The following HEMK2 variants were observed in gnomAD, a reference collection of about 807,000 sequenced individuals.
The protein encoded by HEMK2 is methyltransferase HEMK2.
At chr21:28,827,646 CACAG>C in the HEMK2 span, among the ~76,000 whole-genome samples, 1 of 152,214 alleles carries the variant, frequency 6.6e-6, no homozygotes, top group African/African-American at 2.4e-5. Context: ...AAGAAGTGAA[CACAG>C]ACAGTCCACT....
chr21:28,733,257 C>T, the HEMK2 span, among the ~76,000 whole-genome samples: 29 of 152,262 alleles, frequency 1.9e-4, no homozygotes, highest in African/African-American at 6.7e-4. Flanking sequence ...CCAGCCTGGG[C>T]AACAGAGCAA....
chr21:28,739,194 C>G, the HEMK2 span, among the ~76,000 whole-genome samples: 1 of 152,176 alleles, frequency 6.6e-6, no homozygotes, highest in South Asian at 2.1e-4. Flanking sequence ...GAAACATTTC[C>G]TCCCTCTTCA....
At chr21:28,581,617 T>A in the HEMK2 span, among the ~76,000 whole-genome samples, 2 of 152,154 alleles carry the variant, frequency 1.3e-5, no homozygotes, top group Admixed American at 6.5e-5. Context: ...TCTCCCTAAC[T>A]CAAGATGTGA....
the HEMK2 span, among the ~76,000 whole-genome samples, chr21:28,842,054 C>T: frequency 6.6e-6 from 1 of 152,144 alleles, no homozygotes; most frequent in Admixed American, 6.6e-5. Context: ...GTAACTATTA[C>T]AACTTTTGAG....
At chr21:28,607,888 C>A in the HEMK2 span, among the ~76,000 whole-genome samples, 1 of 152,140 alleles carries the variant, frequency 6.6e-6, no homozygotes, top group South Asian at 2.1e-4. Flanking sequence ...ATAGAAGATG[C>A]AAGAGGGGCT....
the HEMK2 span, among the ~76,000 whole-genome samples, chr21:28,731,316 T>C: frequency 3.5e-4 from 53 of 152,348 alleles, 1 homozygote; most frequent in Non-Finnish European, 6.5e-4. Flanking sequence ...GTAATGGAGC[T>C]AGAATCTATA....
At chr21:28,791,475 A>C in the HEMK2 span, among the ~76,000 whole-genome samples, 1 of 152,180 alleles carries the variant, frequency 6.6e-6, no homozygotes, top group Non-Finnish European at 1.5e-5. Context: ...AATTCAAAAA[A>C]AGGGTGAGAG....
the HEMK2 span, among the ~76,000 whole-genome samples, chr21:28,596,232 T>C: frequency 6.6e-6 from 1 of 152,086 alleles, no homozygotes; most frequent in Non-Finnish European, 1.5e-5. Flanking sequence ...TTAGCCAGGA[T>C]GGTCTCAATC....
the HEMK2 span, among the ~76,000 whole-genome samples, chr21:28,761,264 G>C: frequency 2.0e-5 from 3 of 151,666 alleles, no homozygotes; most frequent in East Asian, 5.8e-4. Context: ...ACAATTCAGC[G>C]AAAAAAATAT....
chr21:28,583,401 T>C, the HEMK2 span, among the ~76,000 whole-genome samples: 2 of 152,186 alleles, frequency 1.3e-5, no homozygotes, highest in East Asian at 1.9e-4. Context: ...TCAAGAATTC[T>C]GTCCTCTCTT....
the HEMK2 span, among the ~76,000 whole-genome samples, chr21:28,602,726 G>T: frequency 2.0e-5 from 3 of 152,212 alleles, no homozygotes. Context: ...GGAAATGATA[G>T]ATAACAGTTT....
the HEMK2 span, among the ~76,000 whole-genome samples, chr21:28,884,614 CT>C: frequency 3.9e-5 from 6 of 152,006 alleles, no homozygotes; most frequent in African/African-American, 1.4e-4. Context: ...CTGCATGTAA[CT>C]TTTTTTTGGT....
At chr21:28,709,035 C>A in the HEMK2 span, among the ~76,000 whole-genome samples, 2 of 152,150 alleles carry the variant, frequency 1.3e-5, no homozygotes, top group Admixed American at 1.3e-4. Context: ...AGGTTGCAGA[C>A]TGTCATCAAC....
the HEMK2 span, among the ~76,000 whole-genome samples, chr21:28,772,518 A>G: frequency 6.6e-6 from 1 of 152,160 alleles, no homozygotes; most frequent in African/African-American, 2.4e-5. Flanking sequence ...GGTTATTTAT[A>G]CCTTAGAATG....
At chr21:28,662,200 A>T in the HEMK2 span, among the ~76,000 whole-genome samples, 1 of 152,272 alleles carries the variant, frequency 6.6e-6, no homozygotes, top group Non-Finnish European at 1.5e-5. Context: ...GGAGAGGGTC[A>T]CGCTGATACG....
chr21:28,754,744 T>C, the HEMK2 span, among the ~76,000 whole-genome samples: 3 of 152,222 alleles, frequency 2.0e-5, no homozygotes, highest in Non-Finnish European at 2.9e-5. Context: ...CAAATAATTA[T>C]TGAGAGCCTA....
the HEMK2 span, among the ~76,000 whole-genome samples, chr21:28,732,658 G>A: frequency 2.1e-4 from 32 of 152,268 alleles, no homozygotes; most frequent in African/African-American, 7.7e-4. Flanking sequence ...CCACAGGTAG[G>A]GATGAAGGAA....
At chr21:28,677,109 C>A in the HEMK2 span, among the ~76,000 whole-genome samples, 1 of 152,164 alleles carries the variant, frequency 6.6e-6, no homozygotes, top group Non-Finnish European at 1.5e-5. Context: ...CATCGCCTCA[C>A]CCGGTAAGCG....
the HEMK2 span, among the ~76,000 whole-genome samples, chr21:28,705,007 C>G: frequency 6.6e-6 from 1 of 152,154 alleles, no homozygotes; most frequent in South Asian, 2.1e-4. Flanking sequence ...CTGCTGCTAT[C>G]GTTCGTACTT....
Sources: allele counts gnomAD v4.1 joint callset (sites outside exome capture counted in the v4.1 genomes callset), GRCh38; gene constraint gnomAD v4.1.1; transcripts MANE v1.5; gene names NCBI Gene and HGNC (gene_info 2026-07-23, HGNC 2026-07-21).